Variants in FCRL5 observed in about 807,000 individuals in gnomAD.
The protein encoded by FCRL5 is Fc receptor-like protein 5.
In FCRL5, 79 loss-of-function variants were observed where a neutral mutation model predicts 92.1. The ratio of observed to expected loss-of-function variants is 0.86; its 90% CI spans 0.72 to 1.03. The LOEUF (loss-of-function observed/expected upper bound fraction) is 1.03. Among genes scored for constraint, FCRL5 ranks in the 50% least tolerant of loss-of-function variants. FCRL5 has a pLI of 0.00. For missense variants in FCRL5, 1,160 were observed against 1,181.1 expected (o/e 0.98, Z 0.26); for synonymous variants, 466 against 469.3 (o/e 0.99, Z 0.09).
At chr1:157,530,392 G>A (rs1266728703) in intron 8 of FCRL5, among the ~76,000 whole-genome samples, 1 of 152,168 alleles carries the variant, frequency 6.6e-6, no homozygotes, top group African/African-American at 2.4e-5. Flanking sequence ...TTGAGTCAGA[G>A]TTTCACTCTT....
chr1:157,515,810 G>A (rs774305376), intron 16 of FCRL5, 32 bp downstream of exon 16: 4 of 1,613,594 alleles, frequency 2.5e-6, no homozygotes, highest in African/African-American at 2.7e-5. Flanking sequence ...GGGCCTGGGG[G>A]TGGGGGAGGG....
intron 15 of FCRL5, among the ~76,000 whole-genome samples, chr1:157,517,061 G>A (rs1201257390): frequency 3.9e-5 from 6 of 152,144 alleles, no homozygotes; most frequent in Non-Finnish European, 7.4e-5. Flanking sequence ...CTAAAATCAC[G>A]CAGCACTTTT....
Position 157,518,187 on chromosome 1 carries a change from G to A in FCRL5, c.2812+242C>T, listed in dbSNP as rs1050741538. Among the ~76,000 whole-genome samples the A allele has an allele frequency of 3.3e-5, 5 of 152,300 alleles. No individual in the cohort carries two copies. The East Asian group carries it at 9.7e-4, about 29-fold the overall frequency. Reference sequence around the variant, plus strand: ...GGAAGGTCTGAGAGGTTAAGCGAATGCCCAAAAAGATAGTTTTGTTATTCA... The same window carrying A: ...GGAAGGTCTGAGAGGTTAAGCGAATACCCAAAAAGATAGTTTTGTTATTCA... On this transcript the variant is annotated intron_variant, in intron 15 of 16. Coordinates refer to ENST00000361835, the MANE Select transcript of FCRL5 (RefSeq NM_031281.3).
intron 15 of FCRL5, among the ~76,000 whole-genome samples, chr1:157,517,822 A>G (rs1017778583): frequency 6.6e-6 from 1 of 152,192 alleles, no homozygotes; most frequent in Non-Finnish European, 1.5e-5. Flanking sequence ...CTCCAAATGT[A>G]TGGGTTAAAA....
Position 157,544,973 on chromosome 1 carries a change from A to G in FCRL5, c.417T>C (p.Asp139=). The G allele has an allele frequency of 6.2e-7, 1 of 1,614,230 alleles. No homozygotes were observed. Among genetic ancestry groups the G allele is most frequent in the East Asian group, 2.2e-5 (1 of 44,890 alleles). ...TTTTATTAAGGAATGCCAGGACATT[A>G]TCATTCTTGTAAATAGTATTATTCA... ...VTLNNTIYKN[D]NVLAFLNKRT... is the part of the protein sequence containing the mutation. The change falls in exon 4 of 17, where the codon GAT becomes GAC. Residue 139 remains aspartate, a synonymous_variant. Transcript: ENST00000361835.
intron 6 of FCRL5, among the ~76,000 whole-genome samples, chr1:157,540,803 T>G (rs191546920): frequency 6.6e-6 from 1 of 152,338 alleles, no homozygotes; most frequent in East Asian, 1.9e-4. Flanking sequence ...ATAATGACAC[T>G]ATAGTGTCTT....
chr1:157,515,302 G>A lies in FCRL5; in HGVS notation c.*373C>T. 1 of 314,424 alleles carries A rather than the reference G, an allele frequency of 3.2e-6. No individual in the cohort carries two copies. Among genetic ancestry groups the A allele is most frequent in the East Asian group, 7.4e-5 (1 of 13,458 alleles). 19.5% of individuals were successfully genotyped at this position (314,424 alleles called of 1,614,324 possible). A position where few individuals can be genotyped will look rare whatever the true frequency, so the allele number is the denominator to read the frequency against. ...TAGGAGCACCTGAGCTGTTAGGCCA[G>A]CCCGGCATCTCCTGAAGGCCCACTC... On this transcript the variant is annotated 3_prime_UTR_variant, in exon 17 of 17. Coordinates refer to ENST00000361835, the MANE Select transcript of FCRL5 (RefSeq NM_031281.3).
chr1:157,550,787 A>G (rs1002679213), intron 1 of FCRL5, among the ~76,000 whole-genome samples: 1 of 152,228 alleles, frequency 6.6e-6, no homozygotes, highest in African/African-American at 2.4e-5. Context: ...GATTTGAGAA[A>G]TGGGTAATGA....
chr1:157,525,380 A>G (rs1650382089), intron 9 of FCRL5, among the ~76,000 whole-genome samples: 1 of 152,230 alleles, frequency 6.6e-6, no homozygotes, highest in Non-Finnish European at 1.5e-5. Flanking sequence ...GCACATTTGA[A>G]TTTTTGAAAT....
Position 157,532,328 on chromosome 1 carries a change from T to A in FCRL5, c.1681+2286A>T, listed in dbSNP as rs190725800. 4 of 152,294 alleles carry A rather than the reference T, an allele frequency of 2.6e-5. No individual in the cohort carries two copies. The East Asian group carries it at 5.8e-4, about 22-fold the overall frequency. The allele number at this position is 152,294 out of a possible 1,614,324, so 9.4% of individuals were successfully genotyped here. On this transcript the variant is annotated intron_variant, in intron 8 of 16. Transcript: ENST00000361835. ...GGCTACTAGTTGGTTTTCCATGGAA[T>A]TTTAGTGAAGTATAAGCCATTAATG...
At chr1:157,518,983 G>A (rs12144232) in intron 13 of FCRL5, 28,540 of 468,170 alleles carry the variant, frequency 0.061, 4,401 homozygotes, top group African/African-American at 0.41. Flanking sequence ...GTCATCTAGT[G>A]TGTAACAGGC....
rs749547396 is a variant in FCRL5 at position 157,520,512 on chromosome 1, C to A, written c.2551G>T (p.Gly851Ter). 6.3e-7 allele frequency: 1 copy of A among 1,578,460 alleles called. No individual in the cohort carries two copies. Among genetic ancestry groups the A allele is most frequent in the South Asian group, 1.2e-5 (1 of 85,898 alleles). The part of the protein sequence containing the change: ...TANRSGPFAT[G>*]VAGGLLSIAG... Reference sequence around the variant, plus strand: ...ATGCTGAGCAGGCCCCCGGCGACTCCTGTGGCAAAAGGGCCACTTCTGTTC... The same window carrying A: ...ATGCTGAGCAGGCCCCCGGCGACTCATGTGGCAAAAGGGCCACTTCTGTTC... Residue 851 changes from glycine (G) to a stop codon, truncating the protein, a stop_gained, in exon 12 of 17, where the codon GGA (glycine) becomes TGA (stop). Coordinates refer to ENST00000361835, the MANE Select transcript of FCRL5 (RefSeq NM_031281.3). LOFTEE classifies it high-confidence loss of function.
Position 157,544,519 on chromosome 1 carries a change from G to T in FCRL5, c.587C>A (p.Ala196Asp). 6.2e-7 allele frequency: 1 copy of T among 1,614,128 alleles called. No individual in the cohort carries two copies. The highest frequency in any genetic ancestry group is 1.7e-4 in the Middle Eastern group (1 of 6,002). ...QEPFTRPVLR[A>D]SSFQPISGNP... ...CCCGCTGATGGGCTGGAAGGAGCTGGCTCTCAGCACTGGACGTGTAAATGG... is the reference window on the plus strand; with the variant it reads ...CCCGCTGATGGGCTGGAAGGAGCTGTCTCTCAGCACTGGACGTGTAAATGG... The change falls in exon 5 of 17, where the codon GCC (alanine) becomes GAC (aspartate). Residue 196 changes from alanine (A) to aspartate (D), a missense_variant. Coordinates refer to ENST00000361835, the MANE Select transcript of FCRL5 (RefSeq NM_031281.3).
Position 157,534,869 on chromosome 1 carries a change from T to C in FCRL5, c.1426A>G (p.Thr476Ala). Residue 476 changes from threonine to alanine, a missense_variant, in exon 8 of 17, where the codon ACC becomes GCC. By Grantham distance (58) the Thr-to-Ala change is moderately conservative. Coordinates refer to ENST00000361835, the MANE Select transcript of FCRL5 (RefSeq NM_031281.3). ...VTVPVSHPVL[T>A]LSSAEALTFE... ...GTCAGGGCCTCAGCAGAGCTGAGGG[T>C]GAGGACAGGATGAGACACAGGGACT... is the stretch of plus-strand genomic sequence containing the variant. The C allele has an allele frequency of 6.4e-7, 1 of 1,556,128 alleles. No individual in the cohort carries two copies. Among genetic ancestry groups the C allele is most frequent in the African/African-American group, 1.4e-5 (1 of 73,042 alleles).
chr1:157,519,022 G>A, intron 13 of FCRL5: 1 of 355,550 alleles, frequency 2.8e-6, no homozygotes, highest in Non-Finnish European at 5.0e-6. Flanking sequence ...GCAATACGTT[G>A]TTAGTTCTAT....
chr1:157,545,110 G>A (rs764400648), intron 3 of FCRL5, 28 bp from the exon 4 acceptor site: 3 of 1,600,970 alleles, frequency 1.9e-6, no homozygotes, highest in Non-Finnish European at 2.5e-6. Context: ...GAGTTATTTG[G>A]TTCATCCTAC....
At chr1:157,533,632 C>T (rs914044338) in intron 8 of FCRL5, 1 of 152,200 alleles carries the variant, frequency 6.6e-6, no homozygotes, top group Non-Finnish European at 1.5e-5. Context: ...GGATGCAGTT[C>T]TGTTCTCATG....
chr1:157,520,833 C>T (rs1650147860), intron 11 of FCRL5, among the ~76,000 whole-genome samples, 184 bp downstream of exon 11: 2 of 152,248 alleles, frequency 1.3e-5, no homozygotes, highest in Non-Finnish European at 1.5e-5. Flanking sequence ...CCCGCCAACC[C>T]GCGCTCTCAG....
chr1:157,519,736 C>T lies in FCRL5; in HGVS notation c.2660+7G>A. The T allele has an allele frequency of 6.2e-7, 1 of 1,613,940 alleles. No homozygotes were observed. The highest frequency in any genetic ancestry group is 8.5e-7 in the Non-Finnish European group (1 of 1,179,880). ...CTAATCACACAGGAATGCAGCTCAGCTCTTACCTGGCGGGGTCAGAGGCAG... is the reference window on the plus strand; with the variant it reads ...CTAATCACACAGGAATGCAGCTCAGTTCTTACCTGGCGGGGTCAGAGGCAG... On this transcript the variant is annotated splice_region_variant and intron_variant, in intron 13 of 16. Transcript: ENST00000361835.
Sources: allele counts gnomAD v4.1 joint callset (sites outside exome capture counted in the v4.1 genomes callset), GRCh38; gene constraint gnomAD v4.1.1; transcripts MANE v1.5; gene names NCBI Gene and HGNC (gene_info 2026-07-23, HGNC 2026-07-21).